Variants in CADPS observed in about 807,000 individuals in gnomAD.
The protein encoded by CADPS is calcium dependent secretion activator.
CADPS carries 57 observed loss-of-function variants against 167.3 expected under a neutral mutation model. That is an observed-to-expected ratio of 0.34 (90% confidence interval 0.28 to 0.42). The LOEUF (loss-of-function observed/expected upper bound fraction) is 0.42. Among genes scored for constraint, CADPS ranks in the 20% least tolerant of loss-of-function variants. CADPS has a pLI of 1.00. For synonymous variants in CADPS, 676 were observed against 635.3 expected (o/e 1.06, Z -0.96); for missense variants, 1,414 against 1,738.1 (o/e 0.81, Z 3.32).
intron 1 of CADPS, among the ~76,000 whole-genome samples, chr3:62,767,443 A>G (rs1418059299): frequency 6.6e-6 from 1 of 152,198 alleles, no homozygotes; most frequent in African/African-American, 2.4e-5. Context: ...ATAGCTATTC[A>G]ATAACATAAC....
intron 7 of CADPS, among the ~76,000 whole-genome samples, chr3:62,591,832 C>T (rs2086116075): frequency 6.6e-6 from 1 of 152,020 alleles, no homozygotes; most frequent in Non-Finnish European, 1.5e-5. Flanking sequence ...GTGGGTGGGT[C>T]CAGGGATGCT....
chr3:62,614,523 G>A (rs1039999245), intron 6 of CADPS, among the ~76,000 whole-genome samples: 2 of 152,210 alleles, frequency 1.3e-5, no homozygotes, highest in Admixed American at 6.5e-5. Context: ...CACTAAAAGC[G>A]TAGCTCCTTT....
At chr3:62,583,942 A>G (rs1310307703) in intron 8 of CADPS, among the ~76,000 whole-genome samples, 1 of 150,540 alleles carries the variant, frequency 6.6e-6, no homozygotes, top group Non-Finnish European at 1.5e-5. Flanking sequence ...TGTCTTAATC[A>G]CGGCTAGGCC....
chr3:62,692,767 C>T (rs537702527), intron 3 of CADPS, among the ~76,000 whole-genome samples: 1 of 152,000 alleles, frequency 6.6e-6, no homozygotes. Flanking sequence ...GTTTTTAAAG[C>T]AATGAAATAG....
At chr3:62,508,958 C>T (rs1409946752) in intron 17 of CADPS, among the ~76,000 whole-genome samples, 1 of 151,922 alleles carries the variant, frequency 6.6e-6, no homozygotes, top group Non-Finnish European at 1.5e-5. Flanking sequence ...AGGTGCTAGT[C>T]CACAGAATAA....
chr3:62,757,233 C>G (rs1200487181), intron 2 of CADPS, among the ~76,000 whole-genome samples: 1 of 152,148 alleles, frequency 6.6e-6, no homozygotes, highest in Non-Finnish European at 1.5e-5. Context: ...ACATTAGTAT[C>G]CCACAAACCC....
At chr3:62,540,667 CAT>C (rs2075536390) in intron 11 of CADPS, among the ~76,000 whole-genome samples, 1 of 152,148 alleles carries the variant, frequency 6.6e-6, no homozygotes, top group African/African-American at 2.4e-5. Flanking sequence ...ATATGCATTA[CAT>C]ATGTTGTCTA....
At chr3:62,527,184 C>T (rs2072488022) in intron 13 of CADPS, among the ~76,000 whole-genome samples, 1 of 152,092 alleles carries the variant, frequency 6.6e-6, no homozygotes, top group South Asian at 2.1e-4. Flanking sequence ...GGCTTTTAGA[C>T]ATAGGGTAAG....
Position 62,415,038 on chromosome 3 carries a change from AC to A in CADPS, c.3778-11854del, listed in dbSNP as rs2049762720. Among the ~76,000 whole-genome samples the A allele has an allele frequency of 6.6e-5, 10 of 152,086 alleles. No homozygotes were observed. In the South Asian group the frequency reaches 2.1e-3, roughly 32 times the overall value. ...TCTGATGCTTTGTCTCCTTGACAAC[AC>A]CCCAGCTGGTGGCCCGAGGCACAGG... On this transcript the variant is annotated intron_variant, in intron 28 of 29. Coordinates refer to ENST00000383710, the MANE Select transcript of CADPS (RefSeq NM_003716.4).
intron 26 of CADPS, among the ~76,000 whole-genome samples, chr3:62,447,519 TCTC>T (rs2057396646): frequency 6.6e-6 from 1 of 152,144 alleles, no homozygotes. Context: ...CTCATGGCTG[TCTC>T]CTCATTGATT....
Position 62,853,362 on chromosome 3 carries a change from C to T in CADPS, c.441+21227G>A, listed in dbSNP as rs146140396. On this transcript the variant is annotated intron_variant, in intron 1 of 29. Coordinates refer to ENST00000383710, the MANE Select transcript of CADPS (RefSeq NM_003716.4). ...ATCTAGGGCCAGGTGTGGTGGCTCA[C>T]ACCTGTAATCCCAGCACTTTGGGAG... Among the ~76,000 whole-genome samples, 6 of 151,526 alleles carry T rather than the reference C, an allele frequency of 4.0e-5. No homozygotes were observed. In the East Asian group the frequency reaches 1.2e-3, roughly 30 times the overall value.
intron 3 of CADPS, among the ~76,000 whole-genome samples, chr3:62,679,251 C>A (rs747981450): frequency 5.9e-5 from 9 of 152,038 alleles, no homozygotes; most frequent in Non-Finnish European, 1.0e-4. Context: ...ATTTCTACTG[C>A]CACTATTTGA....
intron 11 of CADPS, among the ~76,000 whole-genome samples, chr3:62,546,010 G>A (rs1381034819): frequency 6.6e-6 from 1 of 152,088 alleles, no homozygotes; most frequent in African/African-American, 2.4e-5. Flanking sequence ...AGAAAGGCAA[G>A]TACTTTGAAC....
At chr3:62,567,215 G>GTACT (rs1204699849) in intron 9 of CADPS, among the ~76,000 whole-genome samples, 2 of 152,058 alleles carry the variant, frequency 1.3e-5, no homozygotes, top group East Asian at 3.9e-4. Context: ...CTTCTCCTAA[G>GTACT]TACTTCATCA....
chr3:62,515,380 C>T (rs530072424), intron 16 of CADPS, among the ~76,000 whole-genome samples: 1 of 140,270 alleles, frequency 7.1e-6, no homozygotes, highest in East Asian at 2.1e-4. Flanking sequence ...ATGAATAGGT[C>T]CCAAAGAACC....
intron 3 of CADPS, among the ~76,000 whole-genome samples, chr3:62,672,685 G>T (rs2150819328): frequency 6.6e-6 from 1 of 152,242 alleles, no homozygotes; most frequent in South Asian, 2.1e-4. Context: ...ATGCAATGTT[G>T]AGATCATAGC....
intron 23 of CADPS, among the ~76,000 whole-genome samples, chr3:62,475,601 A>AAAC (rs2061203605): frequency 6.7e-6 from 1 of 148,708 alleles, no homozygotes; most frequent in Non-Finnish European, 1.5e-5. Flanking sequence ...AAAAAAAAAA[A>AAAC]AAAAAAAAAA....
rs73102288 is a variant in CADPS at position 62,759,326 on chromosome 3, G to A, written c.556-5553C>T. On this transcript the variant is annotated intron_variant, in intron 2 of 29. Coordinates refer to ENST00000383710, the MANE Select transcript of CADPS (RefSeq NM_003716.4). ...TTGGTTAGCCTGTTGCCTACTATTC[G>A]GCTAAGAATGTAATACAAGTTAGCT... Among the ~76,000 whole-genome samples, 597 of 152,144 alleles carry A rather than the reference G, an allele frequency of 3.9e-3. 3 individuals are homozygous for A. The highest frequency in any genetic ancestry group is 6.7e-3 in the South Asian group (32 of 4,802).
chr3:62,508,210 G>A (rs1287090914), intron 17 of CADPS, among the ~76,000 whole-genome samples: 1 of 152,178 alleles, frequency 6.6e-6, no homozygotes, highest in Non-Finnish European at 1.5e-5. Flanking sequence ...TGAAAGGTAA[G>A]GCAGCCTGGT....
Sources: allele counts gnomAD v4.1 joint callset (sites outside exome capture counted in the v4.1 genomes callset), GRCh38; gene constraint gnomAD v4.1.1; transcripts MANE v1.5; gene names NCBI Gene and HGNC (gene_info 2026-07-23, HGNC 2026-07-21).